Variants in TLE1 observed in about 807,000 individuals in gnomAD.
TLE1 encodes the protein TLE family member 1, transcriptional corepressor.
TLE1 carries 21 observed loss-of-function variants against 89.8 expected under a neutral mutation model. The ratio of observed to expected loss-of-function variants is 0.23; its 90% CI spans 0.17 to 0.34. The LOEUF is 0.34. TLE1 is among the 10% of genes least tolerant of loss of function. The probability of loss-of-function intolerance (pLI) is 1.00; values close to 1 mark genes in which losing one functional copy is unlikely to be tolerated. For synonymous variants in TLE1, 447 were observed against 407.6 expected, an observed-to-expected ratio of 1.10 and a Z score of -1.16; for missense variants, 795 against 1,031.2, an observed-to-expected ratio of 0.77 and a Z score of 3.14.
In TLE1 at chr9:81,679,976, T is replaced by C. The variant is rs142008667; in HGVS notation, c.234+5700A>G. On this transcript the variant is annotated intron_variant, in intron 4 of 19. Coordinates refer to ENST00000376499, the MANE Select transcript of TLE1 (RefSeq NM_005077.5). ...TAACTACCACTCAAGATGATTTATT[T>C]AAATATTTACTAAAGAAACAGATTT... Among the ~76,000 whole-genome samples, 448 of 152,342 alleles carry C rather than the reference T, an allele frequency of 2.9e-3. 10 individuals carry two copies. The highest frequency in any genetic ancestry group is 0.028 in the Admixed American group (429 of 15,300).
At chr9:81,587,355 A>T (rs1290291443) in intron 17 of TLE1, among the ~76,000 whole-genome samples, 2 of 152,202 alleles carry the variant, frequency 1.3e-5, no homozygotes, top group African/African-American at 4.8e-5. Flanking sequence ...GATGGTGAGA[A>T]TATGTGCCAC....
chr9:81,612,216 G>T lies in TLE1; in HGVS notation c.1064-257C>A, dbSNP rs1022145531. On this transcript the variant is annotated intron_variant, in intron 12 of 19. Transcript: ENST00000376499. ...CTCATTTGTGTAAATGGCAGCACCA[G>T]GAAGCCAGGGGAATTAAGAGTATTC... is the stretch of plus-strand genomic sequence containing the variant. 1.4e-5 allele frequency: 12 copies of T among 864,334 alleles called. No homozygotes were observed. The African/African-American group carries it at 2.1e-4, about 15-fold the overall frequency. The allele number at this position is 864,334 out of a possible 1,614,324, so 53.5% of individuals were successfully genotyped here. A position where few individuals can be genotyped will look rare whatever the true frequency, so the allele number is the denominator to read the frequency against.
At chr9:81,637,640 GTTTC>G (rs1827561684) in intron 6 of TLE1, among the ~76,000 whole-genome samples, 1 of 99,658 alleles carries the variant, frequency 1.0e-5, no homozygotes, top group African/African-American at 3.3e-5. Context: ...TACAATGAAA[GTTTC>G]TTTTTTTTTT....
At chr9:81,635,968 G>A (rs1028658842) in intron 6 of TLE1, among the ~76,000 whole-genome samples, 1 of 152,036 alleles carries the variant, frequency 6.6e-6, no homozygotes, top group Non-Finnish European at 1.5e-5. Flanking sequence ...AGACCAGCCT[G>A]GGCAACATAG....
intron 11 of TLE1, among the ~76,000 whole-genome samples, chr9:81,615,064 AGAGT>A (rs1220332697): frequency 1.0e-4 from 12 of 120,258 alleles, no homozygotes; most frequent in Non-Finnish European, 1.8e-4. Context: ...CCTGGGTGAC[AGAGT>A]GAGACTCCAT....
chr9:81,668,515 T>C (rs1261225003), intron 4 of TLE1, among the ~76,000 whole-genome samples: 1 of 152,044 alleles, frequency 6.6e-6, no homozygotes, highest in Non-Finnish European at 1.5e-5. Context: ...ATTACTTCTT[T>C]ACCAAAAAAA....
At chr9:81,659,273 A>G (rs1451087570) in intron 4 of TLE1, among the ~76,000 whole-genome samples, 2 of 152,176 alleles carry the variant, frequency 1.3e-5, no homozygotes, top group Non-Finnish European at 2.9e-5. Flanking sequence ...TAACCTGGGT[A>G]TTTGACCCTG....
At chr9:81,683,427 A>G (rs1262536201) in intron 4 of TLE1, among the ~76,000 whole-genome samples, 2 of 152,140 alleles carry the variant, frequency 1.3e-5, no homozygotes, top group Admixed American at 6.5e-5. Context: ...CTACAATATA[A>G]TGAGCACTTA....
chr9:81,682,843 GA>G (rs1324966128), intron 4 of TLE1, among the ~76,000 whole-genome samples: 2 of 152,072 alleles, frequency 1.3e-5, no homozygotes, highest in African/African-American at 4.8e-5. Flanking sequence ...AGGGCTCCAA[GA>G]AAAAAATATT....
At chr9:81,592,162 T>C (rs773036068) in intron 15 of TLE1, among the ~76,000 whole-genome samples, 1 of 152,290 alleles carries the variant, frequency 6.6e-6, no homozygotes, top group South Asian at 2.1e-4. Flanking sequence ...ATCGAGACCA[T>C]TCTGGCTAAC....
At chr9:81,686,391 T>A (rs1564089755) in intron 2 of TLE1, among the ~76,000 whole-genome samples, 1 of 152,218 alleles carries the variant, frequency 6.6e-6, no homozygotes, top group Non-Finnish European at 1.5e-5. Flanking sequence ...ATATGTCAAG[T>A]AGCTACTGCA....
At chr9:81,591,705 T>C (rs1363772938) in intron 15 of TLE1, among the ~76,000 whole-genome samples, 2 of 152,224 alleles carry the variant, frequency 1.3e-5, no homozygotes, top group Admixed American at 1.3e-4. Context: ...CTTTCAAAGA[T>C]TAAAGAAACT....
At chr9:81,633,300 T>A in intron 8 of TLE1, 48 bp downstream of exon 8, 1 of 393,512 alleles carries the variant, frequency 2.5e-6, no homozygotes, top group Non-Finnish European at 3.1e-6. Flanking sequence ...TGTGTGTGTG[T>A]GTGTGTGTGT....
intron 8 of TLE1, among the ~76,000 whole-genome samples, chr9:81,630,859 T>C (rs1826501959): frequency 6.6e-6 from 1 of 152,208 alleles, no homozygotes; most frequent in Admixed American, 6.5e-5. Flanking sequence ...GCTACTTAAT[T>C]TTATGTAACT....
chr9:81,594,655 T>C (rs1047817069), intron 14 of TLE1, among the ~76,000 whole-genome samples: 2 of 152,198 alleles, frequency 1.3e-5, no homozygotes, highest in Non-Finnish European at 2.9e-5. Context: ...AAGTGAAGTA[T>C]GCACTGCTTC....
intron 4 of TLE1, among the ~76,000 whole-genome samples, chr9:81,655,730 G>A (rs1830073509): frequency 6.6e-6 from 1 of 151,750 alleles, no homozygotes; most frequent in Non-Finnish European, 1.5e-5. Flanking sequence ...CGCAGTCCAT[G>A]ACCTTGAGAA....
chr9:81,611,395 A>G (rs1563965449), intron 13 of TLE1, among the ~76,000 whole-genome samples: 1 of 152,228 alleles, frequency 6.6e-6, no homozygotes, highest in Admixed American at 6.5e-5. Context: ...AAAGTTCAAG[A>G]AAATGAATGA....
At chr9:81,587,536 G>T in intron 17 of TLE1, 145 bp downstream of exon 17, 1 of 1,185,752 alleles carries the variant, frequency 8.4e-7, no homozygotes, top group Non-Finnish European at 1.1e-6. Context: ...GGTGGTCATT[G>T]TTTTTAAATT....
chr9:81,587,922 G>GTGTCATCCCACC, intron 16 of TLE1, 94 bp from the exon 17 acceptor site: 1 of 1,014,474 alleles, frequency 9.9e-7, no homozygotes, highest in Non-Finnish European at 1.4e-6. Flanking sequence ...GTGTGTGTGT[G>GTGTCATCCCACC]TGTGTGTGTG....
Sources: gnomAD v4.1 joint callset for allele counts (sites outside exome capture counted in the v4.1 genomes callset) on GRCh38, gnomAD v4.1.1 for gene constraint, MANE v1.5 for transcripts, NCBI Gene and HGNC (gene_info 2026-07-23, HGNC 2026-07-21) for gene names.